The following ASTN2 variants were observed in gnomAD, a reference collection of about 807,000 sequenced individuals.
ASTN2 encodes the protein astrotactin-2.
In ASTN2, 54 loss-of-function variants were observed where a neutral mutation model predicts 139.8. The observed-to-expected ratio is 0.39, with a 90% CI of 0.31 to 0.48. The LOEUF is 0.48. Among genes scored for constraint, ASTN2 ranks in the 20% least tolerant of loss-of-function variants. The probability of loss-of-function intolerance (pLI) is 0.95; values close to 1 mark genes in which losing one functional copy is unlikely to be tolerated. For synonymous variants in ASTN2, 756 were observed against 719.5 expected, an observed-to-expected ratio of 1.05 and a Z score of -0.81; for missense variants, 1,565 against 1,725.1, an observed-to-expected ratio of 0.91 and a Z score of 1.64.
intron 10 of ASTN2, among the ~76,000 whole-genome samples, chr9:116,895,073 A>T (rs1833850390): frequency 6.6e-6 from 1 of 152,200 alleles, no homozygotes; most frequent in Non-Finnish European, 1.5e-5. Context: ...CAGATTGAGC[A>T]TCCCTAATCC....
chr9:117,027,509 G>A (rs1014602508), intron 6 of ASTN2, among the ~76,000 whole-genome samples: 5 of 152,122 alleles, frequency 3.3e-5, no homozygotes, highest in Admixed American at 6.5e-5. Flanking sequence ...CTTTGCTCAT[G>A]CTGTTCTCTT....
chr9:116,625,957 T>C (rs1856431164), intron 17 of ASTN2, among the ~76,000 whole-genome samples: 1 of 151,900 alleles, frequency 6.6e-6, no homozygotes, highest in Non-Finnish European at 1.5e-5. Flanking sequence ...ACTGTGAACT[T>C]CTCCATGGCA....
intron 2 of ASTN2, among the ~76,000 whole-genome samples, chr9:117,275,699 G>A (rs1834170445): frequency 6.6e-6 from 1 of 151,572 alleles, no homozygotes; most frequent in South Asian, 2.1e-4. Flanking sequence ...CCAAGTAGCT[G>A]TGATTACAGG....
At chr9:116,971,816 C>G (rs1836215166) in intron 10 of ASTN2, among the ~76,000 whole-genome samples, 1 of 152,190 alleles carries the variant, frequency 6.6e-6, no homozygotes, top group South Asian at 2.1e-4. Context: ...TAATATGTCA[C>G]TTAATCTTCA....
intron 7 of ASTN2, among the ~76,000 whole-genome samples, chr9:116,993,952 C>T (rs1836938428): frequency 6.7e-6 from 1 of 150,190 alleles, no homozygotes; most frequent in African/African-American, 2.4e-5. Context: ...TACATGGTGG[C>T]AGGGATTTTT....
chr9:117,004,551 C>T (rs1183948995), intron 7 of ASTN2, among the ~76,000 whole-genome samples: 2 of 152,154 alleles, frequency 1.3e-5, no homozygotes, highest in Admixed American at 6.5e-5. Flanking sequence ...CTGGAGAAGT[C>T]GTCTCCTTAC....
At chr9:116,448,881 G>A (rs1179547691) in intron 20 of ASTN2, among the ~76,000 whole-genome samples, 2 of 152,134 alleles carry the variant, frequency 1.3e-5, no homozygotes, top group East Asian at 1.9e-4. Flanking sequence ...ATTTTTGATG[G>A]GAAGACTGCT....
At chr9:116,744,402 C>A (rs138925870) in intron 13 of ASTN2, among the ~76,000 whole-genome samples, 1 of 152,070 alleles carries the variant, frequency 6.6e-6, no homozygotes, top group Non-Finnish European at 1.5e-5. Flanking sequence ...AGCAGGAAAG[C>A]AAAACCATCA....
chr9:116,978,311 A>G (rs1453304194), intron 7 of ASTN2, among the ~76,000 whole-genome samples: 2 of 152,202 alleles, frequency 1.3e-5, no homozygotes, highest in Non-Finnish European at 2.9e-5. Flanking sequence ...CTTACTGCCT[A>G]GAATAGGGTC....
chr9:117,398,753 C>A (rs1249402266), intron 1 of ASTN2, among the ~76,000 whole-genome samples: 1 of 152,176 alleles, frequency 6.6e-6, no homozygotes, highest in Non-Finnish European at 1.5e-5. Context: ...CTCCGAATTG[C>A]ATTAATGTGT....
chr9:117,117,661 G>C (rs1017258638), intron 4 of ASTN2, among the ~76,000 whole-genome samples: 7 of 152,196 alleles, frequency 4.6e-5, no homozygotes, highest in Non-Finnish European at 1.0e-4. Context: ...GTTTTGATGA[G>C]ATGTTTTCCA....
At chr9:117,106,875 T>C (rs911408521) in intron 4 of ASTN2, among the ~76,000 whole-genome samples, 1 of 152,166 alleles carries the variant, frequency 6.6e-6, no homozygotes, top group African/African-American at 2.4e-5. Flanking sequence ...ACCTGACAGC[T>C]TTTTCTATTA....
At chr9:116,791,048 G>GAA (rs1275178140) in intron 13 of ASTN2, among the ~76,000 whole-genome samples, 1 of 145,588 alleles carries the variant, frequency 6.9e-6, no homozygotes, top group African/African-American at 2.5e-5. Context: ...AGAAAGAAAA[G>GAA]AAAAGAAAGA....
intron 10 of ASTN2, among the ~76,000 whole-genome samples, chr9:116,964,216 G>GGTGGGT (rs1554765643): frequency 7.1e-6 from 1 of 140,708 alleles, no homozygotes; most frequent in African/African-American, 2.7e-5. Context: ...ACTGCCCTGG[G>GGTGGGT]GTGTGTGTGT....
chr9:116,930,232 T>C (rs979668075), intron 10 of ASTN2, among the ~76,000 whole-genome samples: 9 of 152,164 alleles, frequency 5.9e-5, no homozygotes, highest in African/African-American at 1.9e-4. Flanking sequence ...TTTTTAATCA[T>C]TGCTGATAGG....
At chr9:116,623,414 C>T (rs1447855609) in intron 17 of ASTN2, among the ~76,000 whole-genome samples, 2 of 151,922 alleles carry the variant, frequency 1.3e-5, no homozygotes, top group Admixed American at 1.3e-4. Context: ...ACAAACACAC[C>T]CTGATAAAAG....
chr9:117,120,073 AT>A (rs1460025391), intron 4 of ASTN2, among the ~76,000 whole-genome samples: 1 of 137,846 alleles, frequency 7.3e-6, no homozygotes, highest in Non-Finnish European at 1.5e-5. Context: ...ATACTCAGAG[AT>A]TATGTAATTG....
At chr9:116,710,383 G>T (rs529698015) in intron 16 of ASTN2, among the ~76,000 whole-genome samples, 2 of 152,182 alleles carry the variant, frequency 1.3e-5, no homozygotes, top group African/African-American at 4.8e-5. Flanking sequence ...CTACTTCTGA[G>T]TGACAACAGA....
chr9:116,981,763 T>G (rs760980375), intron 7 of ASTN2, among the ~76,000 whole-genome samples: 40 of 152,198 alleles, frequency 2.6e-4, no homozygotes, highest in Non-Finnish European at 2.8e-4. Flanking sequence ...ATTTAAACAG[T>G]AAAATGAATT....
Sources: allele counts gnomAD v4.1 joint callset (sites outside exome capture counted in the v4.1 genomes callset), GRCh38; gene constraint gnomAD v4.1.1; transcripts MANE v1.5; gene names NCBI Gene and HGNC (gene_info 2026-07-23, HGNC 2026-07-21).